CNTROB: variants seen among roughly 807,000 people sequenced by gnomAD.
CNTROB encodes the protein centrobin, centriole duplication and spindle assembly protein.
A neutral mutation model predicts 115.7 loss-of-function variants in CNTROB; 82 were observed. The observed-to-expected ratio is 0.71, with a 90% CI of 0.59 to 0.85. The LOEUF (loss-of-function observed/expected upper bound fraction) is 0.85, where lower values mean the gene tolerates loss of function less well. CNTROB is among the 40% of genes least tolerant of loss of function. The probability of loss-of-function intolerance (pLI) is 0.00; values close to 1 mark genes in which losing one functional copy is unlikely to be tolerated. For missense variants in CNTROB, 1,014 were observed against 1,144.4 expected, an observed-to-expected ratio of 0.89 and a Z score of 1.64; for synonymous variants, 439 against 456.4, an observed-to-expected ratio of 0.96 and a Z score of 0.49.
chr17:7,947,068 G>A (rs529483666), intron 13 of CNTROB, among the ~76,000 whole-genome samples: 2 of 152,004 alleles, frequency 1.3e-5, no homozygotes, highest in Non-Finnish European at 2.9e-5. Flanking sequence ...GGCTGAGGCA[G>A]GAGAATGGTG....
intron 7 of CNTROB, among the ~76,000 whole-genome samples, chr17:7,938,195 G>A (rs1271764934): frequency 6.6e-6 from 1 of 151,496 alleles, no homozygotes; most frequent in Non-Finnish European, 1.5e-5. Flanking sequence ...GGTAGAGACG[G>A]GGTTTCGCCA....
In CNTROB at chr17:7,944,553, T is replaced by C. The variant is rs1471056549; in HGVS notation, c.1649T>C (p.Val550Ala). The C allele has an allele frequency of 6.2e-7, 1 of 1,613,910 alleles. No homozygotes were observed. Reference sequence around the variant, plus strand: ...CTGGAGGAGCAGCGGGTGGAGCTGGTGGAAAGACTGCAGGCCATGCTGCAG... The same window carrying C: ...CTGGAGGAGCAGCGGGTGGAGCTGGCGGAAAGACTGCAGGCCATGCTGCAG... ...QQLEEQRVEL[V>A]ERLQAMLQAH... Residue 550 changes from valine to alanine, a missense_variant, in exon 12 of 19, where the codon GTG becomes GCG. Val to Ala is a moderately conservative substitution (Grantham distance 64). Coordinates refer to ENST00000563694, the MANE Select transcript of CNTROB (RefSeq NM_053051.5). This position sits in a 1 kb window ranked among gnomAD's most constrained non-coding sequence, Gnocchi z 4.0.
At position 7,943,323 on chromosome 17, in the gene CNTROB, A is replaced by G. The variant is rs935602397; in HGVS notation, c.1312-68A>G. ...AAAGTTGGTACTGGATTTTGTCTAC[A>G]TTATATCCTCCATCCTCTTCTAAGC... On this transcript the variant is annotated intron_variant, in intron 9 of 18. Coordinates refer to ENST00000563694, the MANE Select transcript of CNTROB (RefSeq NM_053051.5). This position sits in a 1 kb window ranked among gnomAD's most constrained non-coding sequence, Gnocchi z 4.7. 11 of 1,253,804 alleles carry G rather than the reference A, an allele frequency of 8.8e-6. No homozygotes were observed. In the African/African-American group the frequency reaches 1.5e-4, roughly 17 times the overall value. 77.7% of individuals were successfully genotyped at this position (1,253,804 alleles called of 1,614,324 possible).
intron 5 of CNTROB, 76 bp downstream of exon 5, chr17:7,936,558 C>G: frequency 2.5e-6 from 2 of 804,650 alleles, no homozygotes; most frequent in East Asian, 2.4e-5. Context: ...GGTGGCCAAC[C>G]AATGTTTCTT....
chr17:7,947,863 G>A, intron 14 of CNTROB, 53 bp from the exon 15 acceptor site: 1 of 1,609,964 alleles, frequency 6.2e-7, no homozygotes, highest in Non-Finnish European at 8.5e-7. Flanking sequence ...CAGATCCCTG[G>A]GCGTTTTTCT....
In CNTROB at chr17:7,945,849, C is replaced by T. The variant is rs372644896; in HGVS notation, c.1856C>T (p.Ala619Val). Residue 619 changes from alanine to valine, a missense_variant, in exon 13 of 19, where the codon GCA becomes GTA. Transcript: ENST00000563694. ...CCTGTATTGCAGCAGAGCCGGGAAG[C>T]AAGGGACGAGCTACCTGGAGCGCCT... Reference protein sequence around the residue: ...LKPVLQQSREARDELPGAPPV... With the variant: ...LKPVLQQSREVRDELPGAPPV... The T allele has an allele frequency of 1.9e-6, 3 of 1,614,226 alleles. No homozygotes were observed. Among genetic ancestry groups the T allele is most frequent in the Non-Finnish European group, 2.5e-6 (3 of 1,180,034 alleles).
In CNTROB at chr17:7,948,972, T is replaced by C; in HGVS notation, c.2514-113T>C. The C allele has an allele frequency of 6.3e-7, 1 of 1,591,510 alleles. No individual in the cohort carries two copies. Among genetic ancestry groups the C allele is most frequent in the South Asian group, 1.1e-5 (1 of 88,634 alleles). ...TCCTCCCAGTTGATGCCCAGGTCTA[T>C]CGAGTTTGATCTTATTCTTAAGAGA... On this transcript the variant is annotated intron_variant, in intron 17 of 18. Coordinates refer to ENST00000563694, the MANE Select transcript of CNTROB (RefSeq NM_053051.5). This position sits in a 1 kb window ranked among gnomAD's most constrained non-coding sequence, Gnocchi z 4.4.
At position 7,939,464 on chromosome 17, in the gene CNTROB, G is replaced by T. The variant is rs1445943296; in HGVS notation, c.928-49G>T. 2 of 1,497,978 alleles carry T rather than the reference G, an allele frequency of 1.3e-6. No individual in the cohort carries two copies. Among genetic ancestry groups the T allele is most frequent in the Non-Finnish European group, 1.9e-6 (2 of 1,078,180 alleles). 92.8% of individuals were successfully genotyped at this position (1,497,978 alleles called of 1,614,324 possible). On this transcript the variant is annotated intron_variant, in intron 7 of 18. Transcript: ENST00000563694. This position sits in a 1 kb window ranked among gnomAD's most constrained non-coding sequence, Gnocchi z 4.4. Reference sequence around the variant, plus strand: ...TATGAGGGTCAGAGGGCAGATCGCTGGTCTCTGAAGAGCCTACTAAGGAGC... The same window carrying T: ...TATGAGGGTCAGAGGGCAGATCGCTTGTCTCTGAAGAGCCTACTAAGGAGC...
rs540968480 is a variant in CNTROB at position 7,944,541 on chromosome 17, G to T, written c.1637G>T (p.Arg546Leu). 3 of 1,614,148 alleles carry T rather than the reference G, an allele frequency of 1.9e-6. No homozygotes were observed. Among genetic ancestry groups the T allele is most frequent in the South Asian group, 2.2e-5 (2 of 91,080 alleles). The change falls in exon 12 of 19, where the codon CGG becomes CTG. Residue 546 changes from arginine to leucine, a missense_variant. Transcript: ENST00000563694. The surrounding 1 kb of genome is among the most constrained non-coding windows in gnomAD (Gnocchi z 4.0). ...GGGAACCAGCAGCTGGAGGAGCAGC[G>T]GGTGGAGCTGGTGGAAAGACTGCAG... The part of the protein sequence containing the change: ...QSGNQQLEEQ[R>L]VELVERLQAM...
In CNTROB at chr17:7,948,175, C is replaced by G. The variant is rs771424525; in HGVS notation, c.2228C>G (p.Ser743Cys). 3 of 1,614,184 alleles carry G rather than the reference C, an allele frequency of 1.9e-6. No homozygotes were observed. In the Admixed American group the frequency reaches 5.0e-5, roughly 27 times the overall value. Reference sequence around the variant, plus strand: ...TTGCTAGGTCCTCTGACTGTCCCATCTTGGGAGGAAGCCCCTCAAGTGCCA... The same window carrying G: ...TTGCTAGGTCCTCTGACTGTCCCATGTTGGGAGGAAGCCCCTCAAGTGCCA... The part of the protein sequence containing the change: ...PPKSGPLTVP[S>C]WEEAPQVPRI... The change falls in exon 16 of 19, where the codon TCT (serine) becomes TGT (cysteine). Residue 743 changes from serine (S) to cysteine (C), a missense_variant. By Grantham distance (112) the Ser-to-Cys change is moderately radical (BLOSUM62 -1). Coordinates refer to ENST00000563694, the MANE Select transcript of CNTROB (RefSeq NM_053051.5). The surrounding 1 kb of genome is among the most constrained non-coding windows in gnomAD (Gnocchi z 4.4).
At position 7,948,204 on chromosome 17, in the gene CNTROB, A is replaced by C. The variant is rs767891690; in HGVS notation, c.2257A>C (p.Ile753Leu). ...SWEEAPQVPR[I>L]PPPVHKTKVP... ...GGAGGAAGCCCCTCAAGTGCCACGT[A>C]TTCCACCGCCTGTCCACAAAACCAA... Residue 753 changes from isoleucine (I) to leucine (L), a missense_variant, in exon 16 of 19, where the codon ATT becomes CTT. Coordinates refer to ENST00000563694, the MANE Select transcript of CNTROB (RefSeq NM_053051.5). The surrounding 1 kb of genome is among the most constrained non-coding windows in gnomAD (Gnocchi z 4.4). 1.2e-6 allele frequency: 2 copies of C among 1,614,134 alleles called. No individual in the cohort carries two copies. The highest frequency in any genetic ancestry group is 1.7e-5 in the Admixed American group (1 of 60,020).
In CNTROB at chr17:7,948,478, G is replaced by A; in HGVS notation, c.2381-9G>A. On this transcript the variant is annotated splice_polypyrimidine_tract_variant and intron_variant, in intron 16 of 18. Coordinates refer to ENST00000563694, the MANE Select transcript of CNTROB (RefSeq NM_053051.5). The surrounding 1 kb of genome is among the most constrained non-coding windows in gnomAD (Gnocchi z 4.4). ...GGATGACGCCTGTGATTATTGCGAT[G>A]TCTGTCAGGTGGAGATGGGCTTACA... 6.2e-7 allele frequency: 1 copy of A among 1,614,136 alleles called. No homozygotes were observed. The highest frequency in any genetic ancestry group is 1.1e-5 in the South Asian group (1 of 91,084).
chr17:7,934,281 A>C (rs1972882978), intron 2 of CNTROB, 59 bp downstream of exon 2: 6 of 1,521,992 alleles, frequency 3.9e-6, no homozygotes, highest in Non-Finnish European at 5.5e-6. Context: ...GGGTGGGAGA[A>C]AGTGGACAGA....
At chr17:7,933,446 A>G (rs1598053012) in intron 1 of CNTROB, 97 bp downstream of exon 1, 1 of 1,255,486 alleles carries the variant, frequency 8.0e-7, no homozygotes, top group African/African-American at 1.5e-5. Flanking sequence ...TGAGATTTGA[A>G]CTCTTCCTGT....
rs148738158 is a variant in CNTROB at position 7,948,284 on chromosome 17, C to G, written c.2337C>G (p.Ser779=). The G allele has an allele frequency of 4.1e-4, 659 of 1,614,156 alleles. 3 individuals are homozygous for G. The African/African-American group carries it at 6.7e-3, about 16-fold the overall frequency. The part of the protein sequence containing the change: ...SLFRVPEPPS[S]HSQGSGPSSG... ...TCCGGGTCCCTGAGCCTCCCTCCTC[C>G]CATTCACAAGGCAGTGGTCCCAGCA... is the stretch of plus-strand genomic sequence containing the variant. Residue 779 remains serine (S), a synonymous_variant, in exon 16 of 19, where the codon TCC becomes TCG. Coordinates refer to ENST00000563694, the MANE Select transcript of CNTROB (RefSeq NM_053051.5). The surrounding 1 kb of genome is among the most constrained non-coding windows in gnomAD (Gnocchi z 4.4).
chr17:7,947,892 C>T, intron 14 of CNTROB, 24 bp from the exon 15 acceptor site: 1 of 1,613,310 alleles, frequency 6.2e-7, no homozygotes, highest in Non-Finnish European at 8.5e-7. Context: ...CCCTAGGGAA[C>T]TTGACAATCT....
At position 7,948,992 on chromosome 17, in the gene CNTROB, A is replaced by C; in HGVS notation, c.2514-93A>C. The C allele has an allele frequency of 6.2e-7, 1 of 1,606,556 alleles. No individual in the cohort carries two copies. Among genetic ancestry groups the C allele is most frequent in the Non-Finnish European group, 8.5e-7 (1 of 1,175,436 alleles). On this transcript the variant is annotated intron_variant, in intron 17 of 18. Coordinates refer to ENST00000563694, the MANE Select transcript of CNTROB (RefSeq NM_053051.5). This position sits in a 1 kb window ranked among gnomAD's most constrained non-coding sequence, Gnocchi z 4.4. ...GTCTATCGAGTTTGATCTTATTCTT[A>C]AGAGATAGAATTGGGGAGTAGTTCT...
At position 7,944,022 on chromosome 17, in the gene CNTROB, C is replaced by G. The variant is rs1474490560; in HGVS notation, c.1446-101C>G. On this transcript the variant is annotated intron_variant, in intron 10 of 18. Transcript: ENST00000563694. The surrounding 1 kb of genome is among the most constrained non-coding windows in gnomAD (Gnocchi z 4.0). ...TGCCATGGCCAGGCTAGCTGACTGG[C>G]TATCTGGGTCACTGTCATGTGCACA... 2 of 851,914 alleles carry G rather than the reference C, an allele frequency of 2.3e-6. No homozygotes were observed. Among genetic ancestry groups the G allele is most frequent in the African/African-American group, 3.4e-5 (2 of 59,216 alleles). The allele number at this position is 851,914 out of a possible 1,614,324, so 52.8% of individuals were successfully genotyped here. A position where few individuals can be genotyped will look rare whatever the true frequency, so the allele number is the denominator to read the frequency against.
Position 7,936,731 on chromosome 17 carries a change from C to A in CNTROB, c.742C>A (p.Arg248=). 1 of 1,539,152 alleles carries A rather than the reference C, an allele frequency of 6.5e-7. No individual in the cohort carries two copies. The highest frequency in any genetic ancestry group is 9.0e-7 in the Non-Finnish European group (1 of 1,111,530). ...TLARVVEGWN[R]HEAERTEVLR... is the part of the protein sequence containing the mutation. ...GGCCCGTGTGGTGGAGGGCTGGAAC[C>A]GGCATGAGGCTGAGCGGACAGAGGT... Residue 248 remains arginine, a synonymous_variant, in exon 6 of 19, where the codon CGG becomes AGG. Coordinates refer to ENST00000563694, the MANE Select transcript of CNTROB (RefSeq NM_053051.5).
Sources: allele counts gnomAD v4.1 joint callset (sites outside exome capture counted in the v4.1 genomes callset), GRCh38; gene constraint gnomAD v4.1.1; non-coding constraint Gnocchi (gnomAD v3.1); transcripts MANE v1.5; gene names NCBI Gene and HGNC (gene_info 2026-07-23, HGNC 2026-07-21).